The following INPP4B variants were observed in gnomAD, a reference collection of about 807,000 sequenced individuals.
INPP4B encodes the protein inositol polyphosphate-4-phosphatase type II B.
A neutral mutation model predicts 122.5 loss-of-function variants in INPP4B; 55 were observed. The ratio of observed to expected loss-of-function variants is 0.45; its 90% CI spans 0.36 to 0.56. The LOEUF (loss-of-function observed/expected upper bound fraction) is 0.56. Among genes scored for constraint, INPP4B ranks in the 20% least tolerant of loss-of-function variants. The probability of loss-of-function intolerance (pLI) is 0.00; values close to 1 mark genes in which losing one functional copy is unlikely to be tolerated. For synonymous variants in INPP4B, 403 were observed against 388.7 expected, an observed-to-expected ratio of 1.04 and a Z score of -0.43; for missense variants, 1,000 against 1,097.7, an observed-to-expected ratio of 0.91 and a Z score of 1.26.
At position 142,602,149 on chromosome 4, in the gene INPP4B, C is replaced by A. The variant is rs1033909783; in HGVS notation, c.-191+123690G>T. 2.0e-5 allele frequency among the ~76,000 whole-genome samples: 3 copies of A among 151,992 alleles called. No individual in the cohort carries two copies. In the East Asian group the frequency reaches 5.8e-4, roughly 29 times the overall value. On this transcript the variant is annotated intron_variant, in intron 2 of 25. Transcript: ENST00000262992. Reference sequence around the variant, plus strand: ...CAGCAAAGTCTCAGGATAAAAAAATCAATGTGCAGAAATCGCTAGCATTCC... The same window carrying A: ...CAGCAAAGTCTCAGGATAAAAAAATAAATGTGCAGAAATCGCTAGCATTCC...
At chr4:142,135,860 G>A (rs1265632732) in intron 18 of INPP4B, among the ~76,000 whole-genome samples, 6 of 152,136 alleles carry the variant, frequency 3.9e-5, no homozygotes, top group Non-Finnish European at 7.4e-5. Context: ...GCAGTGGTGC[G>A]ATCTCCGCTC....
chr4:142,367,188 ATGTGTG>A (rs5862590), intron 7 of INPP4B, among the ~76,000 whole-genome samples: 1,802 of 132,710 alleles, frequency 0.014, 31 homozygotes, highest in African/African-American at 0.035. Context: ...TACATGTAAT[ATGTGTG>A]TGTGTGTGTG....
rs557272368 is a variant in INPP4B, at chr4:142,246,103, C to CAT, written c.689-8093_689-8092insAT. Among the ~76,000 whole-genome samples the CAT allele has an allele frequency of 5.4e-3, 784 of 145,840 alleles. 7 individuals are homozygous for CAT. The highest frequency in any genetic ancestry group is 8.8e-3 in the Non-Finnish European group (586 of 66,788). On this transcript the variant is annotated intron_variant, in intron 11 of 25. Transcript: ENST00000262992. ...CATTATATATATGTGTGTGTGTATA[C>CAT]ACACATATATATATGTGTATGTATA...
intron 1 of INPP4B, among the ~76,000 whole-genome samples, chr4:142,799,430 A>G (rs546490934): frequency 6.6e-6 from 1 of 152,026 alleles, no homozygotes; most frequent in Non-Finnish European, 1.5e-5. Context: ...TACTTTGGCA[A>G]TTATCTCAAT....
intron 2 of INPP4B, among the ~76,000 whole-genome samples, chr4:142,569,987 G>A (rs888915242): frequency 2.6e-5 from 4 of 151,952 alleles, no homozygotes; most frequent in African/African-American, 4.8e-5. Context: ...ACTTAGTTGA[G>A]TAGCTAGGTG....
intron 2 of INPP4B, among the ~76,000 whole-genome samples, chr4:142,519,433 T>C (rs1032519986): frequency 6.6e-6 from 1 of 152,186 alleles, no homozygotes; most frequent in Admixed American, 6.6e-5. Context: ...CCCAGGTGGT[T>C]ATAAGCATTG....
At chr4:142,829,637 G>A (rs1361914145) in intron 1 of INPP4B, among the ~76,000 whole-genome samples, 6 of 152,074 alleles carry the variant, frequency 3.9e-5, no homozygotes, top group East Asian at 3.9e-4. Flanking sequence ...ATTCTTAATC[G>A]TAACAATAGA....
chr4:142,568,610 A>G (rs561203837), intron 2 of INPP4B, among the ~76,000 whole-genome samples: 164 of 152,168 alleles, frequency 1.1e-3, no homozygotes, highest in Non-Finnish European at 1.7e-3. Flanking sequence ...TATCCAAATT[A>G]GAACTGTGAC....
At chr4:142,634,246 C>T (rs1382235363) in intron 2 of INPP4B, among the ~76,000 whole-genome samples, 1 of 152,112 alleles carries the variant, frequency 6.6e-6, no homozygotes, top group African/African-American at 2.4e-5. Flanking sequence ...GCTGATAATT[C>T]TATAAAACAC....
rs766762225 is a variant in INPP4B, at chr4:142,548,327, TG to T, written c.-190-85602del. On this transcript the variant is annotated intron_variant, in intron 2 of 25. Coordinates refer to ENST00000262992, the MANE Select transcript of INPP4B (RefSeq NM_001101669.3). ...GAGTTTTAAGCCCTTCTGTTAGTAA[TG>T]GAACAACAATGAAAGTATTCAAAGA... Among the ~76,000 whole-genome samples, 10 of 152,102 alleles carry T rather than the reference TG, an allele frequency of 6.6e-5. No individual in the cohort carries two copies. In the South Asian group the frequency reaches 1.5e-3, roughly 22 times the overall value.
chr4:142,249,220 C>T (rs1478211848), intron 11 of INPP4B, among the ~76,000 whole-genome samples: 3 of 152,042 alleles, frequency 2.0e-5, no homozygotes, highest in Non-Finnish European at 4.4e-5. Flanking sequence ...TACTGTATCA[C>T]ATCTAATGCT....
intron 2 of INPP4B, among the ~76,000 whole-genome samples, chr4:142,668,139 A>C (rs1205969391): frequency 6.6e-6 from 1 of 152,168 alleles, no homozygotes; most frequent in African/African-American, 2.4e-5. Context: ...TCAGTAAAAT[A>C]ATATCAAACT....
intron 5 of INPP4B, among the ~76,000 whole-genome samples, chr4:142,407,548 A>G (rs1007341264): frequency 6.6e-6 from 1 of 152,184 alleles, no homozygotes; most frequent in South Asian, 2.1e-4. Context: ...ATTCCCTAAT[A>G]CTGATAAAAA....
chr4:142,401,375 AG>A (rs1801536205), intron 7 of INPP4B, among the ~76,000 whole-genome samples: 1 of 152,160 alleles, frequency 6.6e-6, no homozygotes, highest in Non-Finnish European at 1.5e-5. Flanking sequence ...CAAAAACCAA[AG>A]AAGTTGGAAA....
chr4:142,660,461 C>T (rs1754970908), intron 2 of INPP4B, among the ~76,000 whole-genome samples: 1 of 152,022 alleles, frequency 6.6e-6, no homozygotes, highest in African/African-American at 2.4e-5. Context: ...ATTCCTTTCT[C>T]CTCCTTGGTT....
chr4:142,097,441 G>A (rs1271043257), intron 23 of INPP4B, among the ~76,000 whole-genome samples: 9 of 151,622 alleles, frequency 5.9e-5, no homozygotes, highest in Admixed American at 5.9e-4. Context: ...TTTTTTAGTA[G>A]AGAGAGTTTT....
intron 2 of INPP4B, chr4:142,654,380 A>AAC (rs1486287000): frequency 2.0e-5 from 3 of 150,994 alleles, no homozygotes; most frequent in East Asian, 3.9e-4. Context: ...AAAAAAAAAA[A>AAC]AAAAAAAAAC....
At chr4:142,578,832 C>G (rs147892165) in intron 2 of INPP4B, among the ~76,000 whole-genome samples, 33 of 152,072 alleles carry the variant, frequency 2.2e-4, no homozygotes, top group African/African-American at 7.7e-4. Context: ...ACTGCTACAA[C>G]TTTTTAAAGT....
At chr4:142,368,140 G>C (rs1788278735) in intron 7 of INPP4B, among the ~76,000 whole-genome samples, 1 of 152,028 alleles carries the variant, frequency 6.6e-6, no homozygotes, top group South Asian at 2.1e-4. Context: ...TAAAATAAAG[G>C]CCACTGCCTG....
Sources: allele counts gnomAD v4.1 joint callset (sites outside exome capture counted in the v4.1 genomes callset), GRCh38; gene constraint gnomAD v4.1.1; transcripts MANE v1.5; gene names NCBI Gene and HGNC (gene_info 2026-07-23, HGNC 2026-07-21).